DDHD2: variants seen among roughly 807,000 people sequenced by gnomAD.
DDHD2 encodes triacylglycerol hydrolase DDHD2.
DDHD2 carries 62 observed loss-of-function variants against 91.2 expected under a neutral mutation model. That is an observed-to-expected ratio of 0.68 (90% CI 0.55 to 0.84). The LOEUF (loss-of-function observed/expected upper bound fraction) is 0.84. Ranked by LOEUF, DDHD2 falls within the 40% of genes least tolerant of loss-of-function variation. DDHD2 has a pLI of 0.00. For synonymous variants in DDHD2, 271 were observed against 293.9 expected, an observed-to-expected ratio of 0.92 and a Z score of 0.80; for missense variants, 740 against 846.9, an observed-to-expected ratio of 0.87 and a Z score of 1.57.
intron 11 of DDHD2, chr8:38,250,173 C>T (rs1373943598): frequency 6.5e-6 from 1 of 153,060 alleles, no homozygotes; most frequent in Admixed American, 6.5e-5. Context: ...CCTTGGCCTC[C>T]CAAAGTGCTG....
intron 16 of DDHD2, among the ~76,000 whole-genome samples, chr8:38,258,816 A>C (rs369011116): frequency 6.6e-6 from 1 of 152,258 alleles, no homozygotes; most frequent in Non-Finnish European, 1.5e-5. Flanking sequence ...AAAAGGATGC[A>C]TGACTCAATA....
At chr8:38,233,910 T>C (rs1210571324) in intron 2 of DDHD2, among the ~76,000 whole-genome samples, 2 of 147,010 alleles carry the variant, frequency 1.4e-5, no homozygotes, top group Admixed American at 6.9e-5. Context: ...GCCTGGGTGA[T>C]AGAGTGAGAC....
downstream of DDHD2, chr8:38,272,294 G>C (rs1349532476): frequency 2.0e-5 from 3 of 152,206 alleles, no homozygotes; most frequent in Non-Finnish European, 4.4e-5. Context: ...CAGTTCTATA[G>C]ATGAGGCCAG....
Position 38,269,030 on chromosome 8 carries a change from T to A in DDHD2, n.88-2092T>A. 3.9e-6 allele frequency: 6 copies of A among 1,535,976 alleles called. No homozygotes were observed. In the South Asian group the frequency reaches 7.2e-5, roughly 18 times the overall value. Reference sequence around the variant, plus strand: ...AGAAGCGCAGAGCAGGTCGCCTGGCTTCCTCCCCGCTTCCCCACTGCCCGA... The same window carrying A: ...AGAAGCGCAGAGCAGGTCGCCTGGCATCCTCCCCGCTTCCCCACTGCCCGA... On this transcript the variant is annotated intron_variant and non_coding_transcript_variant, in intron 1 of 1. Coordinates refer to the DDHD2 transcript ENST00000526071.
chr8:38,266,544 G>A (rs947595947), downstream of DDHD2: 4 of 423,158 alleles, frequency 9.5e-6, no homozygotes, highest in African/African-American at 8.2e-5. Context: ...GGGACTCCAT[G>A]TGTGTGCCAC....
chr8:38,268,638 C>G, intron 1 of DDHD2: 1 of 1,437,218 alleles, frequency 7.0e-7, no homozygotes, highest in Admixed American at 2.8e-5. Context: ...GCGGCTCGGG[C>G]CCCGGTACCT....
Position 38,238,193 on chromosome 8 carries a change from T to C in DDHD2, c.606T>C (p.Ser202=), listed in dbSNP as rs1804958039. 3 of 1,614,032 alleles carry C rather than the reference T, an allele frequency of 1.9e-6. No homozygotes were observed. The highest frequency in any genetic ancestry group is 2.5e-6 in the Non-Finnish European group (3 of 1,179,898). The stretch of plus-strand genomic sequence containing the variant: ...TGAAGAGAGGAGTTGAGAACATCTC[T>C]GTTGACATTCATTGTGGTAATGTTA... ...RTVKRGVENI[S]VDIHCGEPLQ... The change falls in exon 5 of 18, where the codon TCT becomes TCC. Residue 202 remains serine, a synonymous_variant. Transcript: ENST00000397166.
chr8:38,248,495 ATGATCCC>A (rs1421922851), intron 10 of DDHD2, among the ~76,000 whole-genome samples: 1 of 152,044 alleles, frequency 6.6e-6, no homozygotes, highest in Non-Finnish European at 1.5e-5. Context: ...AATAAGACAT[ATGATCCC>A]TGACCTCATA....
At position 38,234,488 on chromosome 8, in the gene DDHD2, A is replaced by G. The variant is rs1804545485; in HGVS notation, c.315A>G (p.Glu105=). Residue 105 remains glutamate (E), a synonymous_variant, in exon 3 of 18, where the codon GAA becomes GAG. Transcript: ENST00000397166. ...TGCGGTATGCTGTATACTGGGATGA[A>G]CTGGCATCGGAAGTGAGACGATGTA... ...ERMRYAVYWD[E]LASEVRRCTW... The G allele has an allele frequency of 1.2e-6, 2 of 1,613,474 alleles. No individual in the cohort carries two copies. The highest frequency in any genetic ancestry group is 1.1e-5 in the South Asian group (1 of 90,920).
chr8:38,247,683 A>G, intron 9 of DDHD2, 30 bp from the exon 10 acceptor site: 2 of 1,393,142 alleles, frequency 1.4e-6, no homozygotes, highest in Non-Finnish European at 1.9e-6. Context: ...ATGAATTTCA[A>G]GAATATGAGC....
At chr8:38,254,462 C>G (rs1485198612) in intron 16 of DDHD2, among the ~76,000 whole-genome samples, 1 of 151,914 alleles carries the variant, frequency 6.6e-6, no homozygotes, top group African/African-American at 2.4e-5. Context: ...TTCACTGCAG[C>G]CTTGACCTCC....
exon 2 of DDHD2, chr8:38,271,145 A>C (rs1278401320): frequency 6.6e-6 from 1 of 152,190 alleles, no homozygotes; most frequent in Admixed American, 6.5e-5. Context: ...AAATGTGTTC[A>C]ATCAATCTGA....
intron 11 of DDHD2, chr8:38,250,241 A>G (rs1272176925): frequency 6.8e-6 from 1 of 147,002 alleles, no homozygotes; most frequent in African/African-American, 2.5e-5. Flanking sequence ...CTAGAAATTA[A>G]ACACATTTTC....
At chr8:38,235,161 G>A (rs922882124) in intron 3 of DDHD2, among the ~76,000 whole-genome samples, 1 of 152,032 alleles carries the variant, frequency 6.6e-6, no homozygotes, top group African/African-American at 2.4e-5. Flanking sequence ...ATTGTATGTT[G>A]GGAGATTTAT....
At chr8:38,255,194 C>CAAAAAAA in intron 16 of DDHD2, 3 of 118,348 alleles carry the variant, frequency 2.5e-5, no homozygotes, top group South Asian at 1.4e-4. Flanking sequence ...GACTCCATCT[C>CAAAAAAA]AAAAAAAAAA....
At chr8:38,248,944 C>CAA (rs35672008) in intron 10 of DDHD2, among the ~76,000 whole-genome samples, 76 of 53,590 alleles carry the variant, frequency 1.4e-3, no homozygotes, top group African/African-American at 3.9e-3. Context: ...GACTCCATCT[C>CAA]AAAAAAAAAA....
intron 7 of DDHD2, among the ~76,000 whole-genome samples, chr8:38,243,683 A>C (rs1379270020): frequency 6.6e-6 from 1 of 151,688 alleles, no homozygotes; most frequent in African/African-American, 2.4e-5. Context: ...GTTGGAGTGC[A>C]GTGGTGTGAT....
rs752716800 is a variant in DDHD2, at chr8:38,238,172, G to A, written c.585G>A (p.Lys195=). Residue 195 remains lysine, a synonymous_variant, in exon 5 of 18, where the codon AAG becomes AAA. Coordinates refer to ENST00000397166, the MANE Select transcript of DDHD2 (RefSeq NM_015214.3). The part of the protein sequence containing the change: ...PTEQGRPRTV[K]RGVENISVDI... The stretch of plus-strand genomic sequence containing the variant: ...AGCAGGGTCGACCAAGAACTGTGAA[G>A]AGAGGAGTTGAGAACATCTCTGTTG... 6.2e-7 allele frequency: 1 copy of A among 1,614,106 alleles called. No individual in the cohort carries two copies. The highest frequency in any genetic ancestry group is 1.1e-5 in the South Asian group (1 of 91,080).
intron 5 of DDHD2, 118 bp downstream of exon 5, chr8:38,238,327 G>A (rs1804969857): frequency 1.3e-6 from 2 of 1,485,314 alleles, no homozygotes; most frequent in Non-Finnish European, 1.8e-6. Flanking sequence ...TTAATCATAT[G>A]GGTTTATTCC....
Sources: gnomAD v4.1 joint callset for allele counts (sites outside exome capture counted in the v4.1 genomes callset) on GRCh38, gnomAD v4.1.1 for gene constraint, MANE v1.5 for transcripts, NCBI Gene and HGNC (gene_info 2026-07-23, HGNC 2026-07-21) for gene names.